NLRP2: variants seen among roughly 807,000 people sequenced by gnomAD.
NLRP2 encodes the protein NACHT, LRR and PYD domains-containing protein 2.
NLRP2 carries 107 observed loss-of-function variants against 97.2 expected under a neutral mutation model. That is an observed-to-expected ratio of 1.10 (90% CI 0.94 to 1.29). NLRP2 has a LOEUF of 1.29. Ranked by LOEUF, NLRP2 falls within the 50% of genes most tolerant of loss-of-function variation. The pLI is 0.00. For synonymous variants in NLRP2, 663 were observed against 551.5 expected (o/e 1.20, Z -2.83); for missense variants, 1,495 against 1,330.3 (o/e 1.12, Z -1.93).
In NLRP2 at chr19:54,982,554, G is replaced by C. The variant is rs771360716; in HGVS notation, c.856G>C (p.Val286Leu). 1.9e-6 allele frequency: 3 copies of C among 1,614,206 alleles called. No individual in the cohort carries two copies. The highest frequency in any genetic ancestry group is 1.7e-6 in the Non-Finnish European group (2 of 1,180,038). ...ILAQARKILFVIDGFDELGAA... is the reference protein window; with the variant it reads ...ILAQARKILFLIDGFDELGAA... ...AGCCCAAGCACGGAAAATCTTGTTC[G>C]TGATTGACGGCTTTGATGAGCTGGG... The change falls in exon 6 of 13, where the codon GTG (valine) becomes CTG (leucine). Residue 286 changes from valine to leucine, a missense_variant. Transcript: ENST00000448584.
At chr19:54,998,365 C>A (rs925557207) in intron 12 of NLRP2, among the ~76,000 whole-genome samples, 1 of 151,978 alleles carries the variant, frequency 6.6e-6, no homozygotes, top group Non-Finnish European at 1.5e-5. Flanking sequence ...GAAGCCCCTT[C>A]CTAGGAATGT....
chr19:54,973,872 A>C, intron 2 of NLRP2: 1 of 652,290 alleles, frequency 1.5e-6, no homozygotes, highest in Non-Finnish European at 2.9e-6. Flanking sequence ...GGCAAGCACC[A>C]CCCCCACAAA....
At chr19:54,986,120 A>G (rs777030599) in intron 7 of NLRP2, 31 bp from the exon 8 acceptor site, 3 of 1,540,222 alleles carry the variant, frequency 1.9e-6, no homozygotes, top group East Asian at 2.2e-5. Context: ...TGTACACACT[A>G]AAGATTTCAC....
At chr19:54,984,329 G>GTGTTTTTTTTTTTTTTTTTTTTTTT in intron 6 of NLRP2, among the ~76,000 whole-genome samples, 3 of 79,676 alleles carry the variant, frequency 3.8e-5, no homozygotes, top group East Asian at 3.2e-4. Context: ...TTTTTTTTGT[G>GTGTTTTTTTTTTTTTTTTTTTTTTT]TTTTTTTTTT....
At chr19:54,994,710 A>G (rs1024026423) in intron 11 of NLRP2, among the ~76,000 whole-genome samples, 2 of 151,700 alleles carry the variant, frequency 1.3e-5, no homozygotes, top group Non-Finnish European at 2.9e-5. Flanking sequence ...TCCCAGGTTC[A>G]AGCAATTCTC....
At chr19:54,981,382 G>A (rs931040601) in intron 4 of NLRP2, among the ~76,000 whole-genome samples, 3 of 151,838 alleles carry the variant, frequency 2.0e-5, no homozygotes, top group African/African-American at 7.3e-5. Flanking sequence ...GGCCAGGCTG[G>A]TCTCGAACTC....
In NLRP2 at chr19:54,982,145, C is replaced by T; in HGVS notation, c.464-17C>T. The T allele has an allele frequency of 6.2e-7, 1 of 1,613,874 alleles. No homozygotes were observed. The highest frequency in any genetic ancestry group is 8.5e-7 in the Non-Finnish European group (1 of 1,180,018). The stretch of plus-strand genomic sequence containing the variant: ...TGATTGCATCCTCTCTCCCTTCCCT[C>T]CTCACCAATGATAAAGACAAAGACA... On this transcript the variant is annotated splice_polypyrimidine_tract_variant and intron_variant, in intron 5 of 12. Transcript: ENST00000448584.
chr19:54,985,284 A>T, intron 7 of NLRP2, 67 bp downstream of exon 7: 2 of 1,449,688 alleles, frequency 1.4e-6, no homozygotes, highest in South Asian at 2.3e-5. Context: ...TTAACATCGG[A>T]GCAATATTCA....
intron 11 of NLRP2, among the ~76,000 whole-genome samples, chr19:54,996,163 C>T (rs79476799): frequency 0.04 from 6,015 of 151,768 alleles, 388 homozygotes; most frequent in African/African-American, 0.14. Context: ...GCCAAGATGG[C>T]GTTACCACAC....
intron 6 of NLRP2, 95 bp downstream of exon 6, chr19:54,983,823 G>C (rs2146449023): frequency 3.3e-6 from 5 of 1,523,896 alleles, no homozygotes; most frequent in Middle Eastern, 4.7e-4. Context: ...CTGTGGCTTA[G>C]GGTCAGGAAT....
intron 2 of NLRP2, 52 bp downstream of exon 2, chr19:54,970,347 C>G (rs753176906): frequency 2.5e-6 from 4 of 1,603,806 alleles, no homozygotes; most frequent in Non-Finnish European, 3.4e-6. Context: ...GGCGTCCTCT[C>G]CAGGACTTTA....
At position 54,982,788 on chromosome 19, in the gene NLRP2, A is replaced by G; in HGVS notation, c.1090A>G (p.Arg364Gly). 2 of 1,614,114 alleles carry G rather than the reference A, an allele frequency of 1.2e-6. No homozygotes were observed. The highest frequency in any genetic ancestry group is 1.7e-6 in the Non-Finnish European group (2 of 1,180,016). Residue 364 changes from arginine (R) to glycine (G), a missense_variant, in exon 6 of 13, where the codon AGG becomes GGG. Transcript: ENST00000448584. ...GGTGGAGGGCTTCCTGGAGGAGGAC[A>G]GGAGGGCCTATTTCCTGAGACACTT... is the stretch of plus-strand genomic sequence containing the variant. ...IRVEGFLEED[R>G]RAYFLRHFGD... is the part of the protein sequence containing the mutation.
chr19:55,000,875 T>C lies in NLRP2; in HGVS notation c.3166T>C (p.Ser1056Pro), dbSNP rs768355874. 7.4e-6 allele frequency: 12 copies of C among 1,613,460 alleles called. No individual in the cohort carries two copies. The highest frequency in any genetic ancestry group is 3.3e-5 in the Admixed American group (2 of 59,978). ...EKHHPWAERP[S>P]SHDFMI ...ACATCATCCCTGGGCAGAAAGGCCT[T>C]CTTCTCATGACTTCATGATCTGAAT... Residue 1056 changes from serine (S) to proline (P), a missense_variant, in exon 13 of 13, where the codon TCT (serine) becomes CCT (proline). Ser to Pro is a moderately conservative substitution (Grantham distance 74, BLOSUM62 -1). Transcript: ENST00000448584.
intron 7 of NLRP2, among the ~76,000 whole-genome samples, chr19:54,985,767 G>T (rs114416883): frequency 1.6e-3 from 230 of 147,682 alleles, no homozygotes; most frequent in African/African-American, 4.9e-3. Flanking sequence ...GGCCCAAGGT[G>T]GGGGGATCAC....
rs370185803 is a variant in NLRP2 at position 54,983,701 on chromosome 19, C to T, written c.2003C>T (p.Ala668Val). Residue 668 changes from alanine (A) to valine (V), a missense_variant, in exon 6 of 13, where the codon GCG (alanine) becomes GTG (valine). Coordinates refer to ENST00000448584, the MANE Select transcript of NLRP2 (RefSeq NM_017852.5). Reference sequence around the variant, plus strand: ...GAGAATCTCCCGGAGAATGTCACTGCGTCTGAATCAGACGCCGAGGTTGAG... The same window carrying T: ...GAGAATCTCCCGGAGAATGTCACTGTGTCTGAATCAGACGCCGAGGTTGAG... ...IKENLPENVT[A>V]SESDAEVERS... 9.3e-6 allele frequency: 15 copies of T among 1,612,696 alleles called. No homozygotes were observed. Among genetic ancestry groups the T allele is most frequent in the Admixed American group, 5.0e-5 (3 of 59,964 alleles).
intron 1 of NLRP2, among the ~76,000 whole-genome samples, chr19:54,969,132 TGAGA>T (rs1431813524): frequency 6.6e-6 from 1 of 152,134 alleles, no homozygotes; most frequent in African/African-American, 2.4e-5. Context: ...TTTGCTATAA[TGAGA>T]GAGTGTTTTC....
rs768161237 is a variant in NLRP2, at chr19:54,983,692, A to C, written c.1994A>C (p.Asn665Thr). 2.5e-6 allele frequency: 4 copies of C among 1,613,530 alleles called. No individual in the cohort carries two copies. Among genetic ancestry groups the C allele is most frequent in the Non-Finnish European group, 3.4e-6 (4 of 1,180,014 alleles). Reference protein sequence around the residue: ...LQVIKENLPENVTASESDAEV... With the variant: ...LQVIKENLPETVTASESDAEV... The stretch of plus-strand genomic sequence containing the variant: ...GTAATAAAGGAGAATCTCCCGGAGA[A>C]TGTCACTGCGTCTGAATCAGACGCC... Residue 665 changes from asparagine to threonine, a missense_variant, in exon 6 of 13, where the codon AAT (asparagine) becomes ACT (threonine). By Grantham distance (65) the Asn-to-Thr change is moderately conservative. Transcript: ENST00000448584.
chr19:54,994,464 TC>T (rs762547095), intron 11 of NLRP2, 25 bp downstream of exon 11: 2 of 1,610,020 alleles, frequency 1.2e-6, no homozygotes, highest in East Asian at 4.5e-5. Flanking sequence ...AAGTTCAACT[TC>T]CTATACTTAC....
In NLRP2 at chr19:54,997,373, G is replaced by A. The variant is rs764691889; in HGVS notation, c.2936G>A (p.Ser979Asn). 2 of 1,614,154 alleles carry A rather than the reference G, an allele frequency of 1.2e-6. No individual in the cohort carries two copies. Among genetic ancestry groups the A allele is most frequent in the South Asian group, 1.1e-5 (1 of 91,080 alleles). ...FSCEDLCSAL[S>N]CNQSLVTLDL... Reference sequence around the variant, plus strand: ...TGTGAAGACCTCTGCTCTGCCCTCAGCTGCAACCAGAGCCTCGTCACTCTG... The same window carrying A: ...TGTGAAGACCTCTGCTCTGCCCTCAACTGCAACCAGAGCCTCGTCACTCTG... The change falls in exon 12 of 13, where the codon AGC becomes AAC. Residue 979 changes from serine to asparagine, a missense_variant. Coordinates refer to ENST00000448584, the MANE Select transcript of NLRP2 (RefSeq NM_017852.5).
Sources: gnomAD v4.1 joint callset for allele counts (sites outside exome capture counted in the v4.1 genomes callset) on GRCh38, gnomAD v4.1.1 for gene constraint, MANE v1.5 for transcripts, NCBI Gene and HGNC (gene_info 2026-07-23, HGNC 2026-07-21) for gene names.